GALNT9: variants seen among roughly 807,000 people sequenced by gnomAD.
The protein encoded by GALNT9 is polypeptide N-acetylgalactosaminyltransferase 9, also known as GalNAc transferase 9.
Under a neutral mutation model 63.1 loss-of-function variants are expected in GALNT9, and 47 were observed. That is an observed-to-expected ratio of 0.75 (90% confidence interval 0.59 to 0.95). The LOEUF is 0.95. Ranked by LOEUF, GALNT9 falls within the 40% of genes least tolerant of loss-of-function variation. The probability of loss-of-function intolerance (pLI) is 0.00; values close to 1 mark genes in which losing one functional copy is unlikely to be tolerated. For missense variants in GALNT9, 829 were observed against 874.8 expected, an observed-to-expected ratio of 0.95 and a Z score of 0.66; for synonymous variants, 396 against 365.7, an observed-to-expected ratio of 1.08 and a Z score of -0.94.
intron 6 of GALNT9, among the ~76,000 whole-genome samples, chr12:132,235,609 C>G (rs1227394543): frequency 4.6e-5 from 7 of 152,158 alleles, no homozygotes; most frequent in African/African-American, 1.7e-4. Flanking sequence ...TTCCACCCAC[C>G]CCACAGCAGC....
chr12:132,267,795 T>TCACACACACTCA (rs1555240327), intron 2 of GALNT9, among the ~76,000 whole-genome samples: 2 of 48,236 alleles, frequency 4.1e-5, no homozygotes, highest in Admixed American at 1.8e-4. Context: ...ACACACGCAC[T>TCACACACACTCA]CACACGCACT....
At chr12:132,226,257 C>G (rs1877683553) in intron 6 of GALNT9, among the ~76,000 whole-genome samples, 1 of 150,134 alleles carries the variant, frequency 6.7e-6, no homozygotes, top group Non-Finnish European at 1.5e-5. Context: ...ACACACCCCA[C>G]ACACGGTACA....
chr12:132,281,273 C>T (rs1029722036), intron 2 of GALNT9, among the ~76,000 whole-genome samples: 3 of 152,178 alleles, frequency 2.0e-5, no homozygotes, highest in South Asian at 2.1e-4. Context: ...TGATACATTC[C>T]GCAGGCACCG....
Position 132,310,947 on chromosome 12 carries a change from C to G in GALNT9, c.238+18019G>C, listed in dbSNP as rs1555245110. ...GGGCACACGGTTCAGGGCACCCGCT[C>G]TCCCTGGGCATGTGGCGCTGGCAGC... On this transcript the variant is annotated intron_variant, in intron 1 of 10. Coordinates refer to ENST00000328957, the MANE Select transcript of GALNT9 (RefSeq NM_001122636.2). This position sits in a 1 kb window ranked among gnomAD's most constrained non-coding sequence, Gnocchi z 4.8. Among the ~76,000 whole-genome samples, 1 of 152,182 alleles carries G rather than the reference C, an allele frequency of 6.6e-6. No individual in the cohort carries two copies. Among genetic ancestry groups the G allele is most frequent in the African/African-American group, 2.4e-5 (1 of 41,454 alleles).
rs530510827 is a variant in GALNT9, at chr12:132,216,680, G to T, written c.1078-12990C>A. 4.2e-4 allele frequency among the ~76,000 whole-genome samples: 64 copies of T among 152,334 alleles called. 1 individual carries two copies. Among genetic ancestry groups the T allele is most frequent in the Admixed American group, 7.8e-4 (12 of 15,298 alleles). Reference sequence around the variant, plus strand: ...TGGGAGGTGTTCCAGCATCTGGGGGGATGAGCAGTTTTCTCTTTGGGCCGC... The same window carrying T: ...TGGGAGGTGTTCCAGCATCTGGGGGTATGAGCAGTTTTCTCTTTGGGCCGC... On this transcript the variant is annotated intron_variant, in intron 6 of 10. Transcript: ENST00000328957.
intron 4 of GALNT9, among the ~76,000 whole-genome samples, chr12:132,258,315 G>A (rs1447273571): frequency 1.3e-5 from 2 of 152,160 alleles, no homozygotes; most frequent in Non-Finnish European, 2.9e-5. Flanking sequence ...AATTAATTGA[G>A]GATCTACTAT....
intron 7 of GALNT9, among the ~76,000 whole-genome samples, chr12:132,202,007 G>A (rs1876177040): frequency 6.6e-6 from 1 of 152,242 alleles, no homozygotes; most frequent in African/African-American, 2.4e-5. Flanking sequence ...GGGGAGGGCA[G>A]ACGACTTGGC....
chr12:132,303,406 CCCTCACCCGGGCACAG>C (rs1881392742), intron 1 of GALNT9, among the ~76,000 whole-genome samples: 1 of 107,134 alleles, frequency 9.3e-6, no homozygotes, highest in East Asian at 3.2e-4. Flanking sequence ...CCCGGGCACA[CCCTCACCCGGGCACAG>C]CCTCGCCCGG....
chr12:132,239,094 T>C (rs1331789279), intron 6 of GALNT9, among the ~76,000 whole-genome samples: 1 of 149,630 alleles, frequency 6.7e-6, no homozygotes, highest in Non-Finnish European at 1.5e-5. Context: ...AGAACGGGGG[T>C]ACTTTTCAGG....
chr12:132,245,542 C>A lies in GALNT9; in HGVS notation c.1077+2368G>T, dbSNP rs923958642. Among the ~76,000 whole-genome samples, 2 of 151,108 alleles carry A rather than the reference C, an allele frequency of 1.3e-5. No individual in the cohort carries two copies. The highest frequency in any genetic ancestry group is 2.9e-5 in the Non-Finnish European group (2 of 67,980). ...TCCGGCACCCACACCCCCAGCCCAG[C>A]CTGCTGACCCTCGCCCAGCCAGGGC... On this transcript the variant is annotated intron_variant, in intron 6 of 10. Transcript: ENST00000328957. This position sits in a 1 kb window ranked among gnomAD's most constrained non-coding sequence, Gnocchi z 6.3.
At position 132,260,832 on chromosome 12, in the gene GALNT9, G is replaced by A. The variant is rs921533705; in HGVS notation, c.761+116C>T. On this transcript the variant is annotated intron_variant, in intron 4 of 10. Coordinates refer to ENST00000328957, the MANE Select transcript of GALNT9 (RefSeq NM_001122636.2). ...TCCCAGATCCTGAAGGCTACGGCGA[G>A]TCTCCCAGCCCCGGGGCCAACCCAG... 32 of 1,375,338 alleles carry A rather than the reference G, an allele frequency of 2.3e-5. No individual in the cohort carries two copies. The Admixed American group carries it at 9.2e-4, about 39-fold the overall frequency. The allele number at this position is 1,375,338 out of a possible 1,614,324, so 85.2% of individuals were successfully genotyped here. A position where few individuals can be genotyped will look rare whatever the true frequency, so the allele number is the denominator to read the frequency against.
Position 132,316,650 on chromosome 12 carries a change from A to C in GALNT9, c.238+12316T>G, listed in dbSNP as rs1372874273. 1.3e-5 allele frequency among the ~76,000 whole-genome samples: 2 copies of C among 151,678 alleles called. No individual in the cohort carries two copies. The highest frequency in any genetic ancestry group is 1.3e-4 in the Admixed American group (2 of 15,260). On this transcript the variant is annotated intron_variant, in intron 1 of 10. Transcript: ENST00000328957. This position sits in a 1 kb window ranked among gnomAD's most constrained non-coding sequence, Gnocchi z 4.3. ...TGCTCTCTTTCCTCCGCTTCAGCAA[A>C]TTCCCCCGTGCTCTGTGTAGTCCCT... is the stretch of plus-strand genomic sequence containing the variant.
chr12:132,204,623 G>A lies in GALNT9; in HGVS notation c.1078-933C>T, dbSNP rs563300282. Among the ~76,000 whole-genome samples the A allele has an allele frequency of 3.9e-4, 60 of 152,210 alleles. No homozygotes were observed. In the South Asian group the frequency reaches 8.5e-3, roughly 22 times the overall value. On this transcript the variant is annotated intron_variant, in intron 6 of 10. Coordinates refer to ENST00000328957, the MANE Select transcript of GALNT9 (RefSeq NM_001122636.2). ...GCCAATCTCGGTACCCTCAGCCCCC[G>A]TAACCGGGTGAGTCAATTCCTTAGA...
intron 2 of GALNT9, chr12:132,277,617 CA>C (rs1555241309): frequency 6.6e-6 from 1 of 152,178 alleles, no homozygotes; most frequent in East Asian, 1.9e-4. Flanking sequence ...TGGGCTGCCT[CA>C]CAGCCTGGCA....
rs1171072510 is a variant in GALNT9, at chr12:132,236,751, G to A, written c.1077+11159C>T. 3.9e-5 allele frequency among the ~76,000 whole-genome samples: 6 copies of A among 152,166 alleles called. No individual in the cohort carries two copies. The highest frequency in any genetic ancestry group is 1.9e-4 in the East Asian group (1 of 5,194). Reference sequence around the variant, plus strand: ...CAGCCACGCCTCCTGGGGGTCTCCCGTGTCTAAGTCTTGCTGTGCCCCCAA... The same window carrying A: ...CAGCCACGCCTCCTGGGGGTCTCCCATGTCTAAGTCTTGCTGTGCCCCCAA... On this transcript the variant is annotated intron_variant, in intron 6 of 10. Coordinates refer to ENST00000328957, the MANE Select transcript of GALNT9 (RefSeq NM_001122636.2). This position sits in a 1 kb window ranked among gnomAD's most constrained non-coding sequence, Gnocchi z 5.6.
In GALNT9 at chr12:132,199,259, C is replaced by CTGTT. The variant is rs1875800432; in HGVS notation, c.1408_1411dup (p.Ser471LysfsTer37). 1 of 1,603,102 alleles carries CTGTT rather than the reference C, an allele frequency of 6.2e-7. No homozygotes were observed. Among genetic ancestry groups the CTGTT allele is most frequent in the Non-Finnish European group, 8.5e-7 (1 of 1,178,152 alleles). ...GTCCAGACAGTAGGCACTGGCTTTG[C>CTGTT]TGTTTCTCACCTGCAAGCAGAAGCC... On this transcript the variant is annotated frameshift_variant, in exon 9 of 11. Coordinates refer to ENST00000328957, the MANE Select transcript of GALNT9 (RefSeq NM_001122636.2). LOFTEE classifies it high-confidence loss of function.
At chr12:132,240,579 C>T (rs2136898716) in intron 6 of GALNT9, 125 of 454,382 alleles carry the variant, frequency 2.8e-4, no homozygotes, top group South Asian at 1.8e-3. Context: ...TGCGTGGCCC[C>T]GGGGCTCGGC....
At chr12:132,273,672 G>C (rs1428659805) in intron 2 of GALNT9, 1 of 152,470 alleles carries the variant, frequency 6.6e-6, no homozygotes, top group African/African-American at 2.4e-5. Flanking sequence ...CAGGACTTAA[G>C]TGGCGCCGTT....
At chr12:132,285,762 GCC>G (rs201807017) in intron 2 of GALNT9, among the ~76,000 whole-genome samples, 2,248 of 152,350 alleles carry the variant, frequency 0.015, 48 homozygotes, top group African/African-American at 0.051. Flanking sequence ...TGGCAGGAGT[GCC>G]CCAAGCCTGG....
Sources: allele counts gnomAD v4.1 joint callset (sites outside exome capture counted in the v4.1 genomes callset), GRCh38; gene constraint gnomAD v4.1.1; non-coding constraint Gnocchi (gnomAD v3.1); transcripts MANE v1.5; gene names NCBI Gene and HGNC (gene_info 2026-07-23, HGNC 2026-07-21).